Variants in PUM2 observed in about 807,000 individuals in gnomAD.
PUM2 encodes pumilio homolog 2.
A neutral mutation model predicts 124.5 loss-of-function variants in PUM2; 57 were observed. That is an observed-to-expected ratio of 0.46 (90% CI 0.37 to 0.57). The LOEUF is 0.57. Among genes scored for constraint, PUM2 ranks in the 20% least tolerant of loss-of-function variants. The probability of loss-of-function intolerance (pLI) is 0.00; values close to 1 mark genes in which losing one functional copy is unlikely to be tolerated. For synonymous variants in PUM2, 460 were observed against 446.1 expected (o/e 1.03, Z -0.39); for missense variants, 1,065 against 1,290.6 (o/e 0.83, Z 2.68).
chr2:20,281,182 G>C (rs1432402254), intron 12 of PUM2, among the ~76,000 whole-genome samples: 1 of 152,162 alleles, frequency 6.6e-6, no homozygotes, highest in Non-Finnish European at 1.5e-5. Flanking sequence ...GCATTCAGGG[G>C]TGGCAATCAC....
intron 13 of PUM2, among the ~76,000 whole-genome samples, chr2:20,267,081 G>A (rs1039749928): frequency 3.3e-5 from 5 of 151,042 alleles, no homozygotes; most frequent in African/African-American, 9.8e-5. Flanking sequence ...GGAGTGCAGT[G>A]ATGCAATCTT....
rs193268153 is a variant in PUM2 at position 20,296,322 on chromosome 2, C to T, written c.1009+1231G>A. On this transcript the variant is annotated intron_variant, in intron 8 of 20. Coordinates refer to ENST00000361078, the MANE Select transcript of PUM2 (RefSeq NM_015317.5). The stretch of plus-strand genomic sequence containing the variant: ...CATCCTGGCTAACACAGTGAAACCC[C>T]GTCTCTACGAAAAATACAAAAAATT... 5.9e-3 allele frequency among the ~76,000 whole-genome samples: 901 copies of T among 152,138 alleles called. 8 individuals are homozygous for T. Among genetic ancestry groups the T allele is most frequent in the African/African-American group, 0.021 (868 of 41,516 alleles).
chr2:20,319,961 G>A (rs180886996), intron 2 of PUM2, among the ~76,000 whole-genome samples: 1 of 152,166 alleles, frequency 6.6e-6, no homozygotes, highest in Non-Finnish European at 1.5e-5. Context: ...AGGGCCAAGA[G>A]AGCAAGAACT....
At chr2:20,268,714 A>C (rs917864874) in intron 13 of PUM2, among the ~76,000 whole-genome samples, 1 of 152,232 alleles carries the variant, frequency 6.6e-6, no homozygotes, top group Admixed American at 6.5e-5. Flanking sequence ...TGAAATAAAA[A>C]TATAAAACAG....
chr2:20,345,828 C>T (rs1378163763), intron 1 of PUM2, among the ~76,000 whole-genome samples: 2 of 152,162 alleles, frequency 1.3e-5, no homozygotes, highest in Admixed American at 6.5e-5. Context: ...GCCGAGATCA[C>T]GCCATTGTAC....
intron 1 of PUM2, among the ~76,000 whole-genome samples, chr2:20,334,647 T>C (rs1390096340): frequency 6.6e-6 from 1 of 152,206 alleles, no homozygotes; most frequent in Non-Finnish European, 1.5e-5. Flanking sequence ...ACTAAGTATT[T>C]ACATATCTTC....
intron 2 of PUM2, among the ~76,000 whole-genome samples, chr2:20,325,255 A>G (rs544229351): frequency 6.6e-6 from 1 of 152,338 alleles, no homozygotes; most frequent in Non-Finnish European, 1.5e-5. Flanking sequence ...AACTAATGAG[A>G]GCATCTTAAA....
intron 1 of PUM2, among the ~76,000 whole-genome samples, chr2:20,333,793 A>T (rs2148956792): frequency 6.6e-6 from 1 of 152,094 alleles, no homozygotes; most frequent in East Asian, 1.9e-4. Flanking sequence ...CAAAACGTAA[A>T]CCCCAGTGTT....
chr2:20,347,063 A>G (rs971117073), intron 1 of PUM2, among the ~76,000 whole-genome samples: 2 of 152,062 alleles, frequency 1.3e-5, no homozygotes, highest in Admixed American at 1.3e-4. Context: ...ATTTCCCAGT[A>G]CTCTATTCTA....
Position 20,278,832 on chromosome 2 carries a change from T to C in PUM2, c.1721-13A>G. On this transcript the variant is annotated splice_polypyrimidine_tract_variant and intron_variant, in intron 12 of 20. Coordinates refer to ENST00000361078, the MANE Select transcript of PUM2 (RefSeq NM_015317.5). ...GCAGAACTGCCAACTGAAGAAGAAA[T>C]AAAAAAAACCCTAATTACATACAGT... 6.3e-7 allele frequency: 1 copy of C among 1,591,322 alleles called. No homozygotes were observed.
Position 20,322,417 on chromosome 2 carries a change from T to C in PUM2, c.52-3772A>G, listed in dbSNP as rs140072619. On this transcript the variant is annotated intron_variant, in intron 2 of 20. Coordinates refer to ENST00000361078, the MANE Select transcript of PUM2 (RefSeq NM_015317.5). The stretch of plus-strand genomic sequence containing the variant: ...GGCCAACACTGTGAGACCCTGTCTC[T>C]TTTAAAAAATAAAATAATTATAAAT... 5.2e-3 allele frequency among the ~76,000 whole-genome samples: 787 copies of C among 152,118 alleles called. 5 individuals are homozygous for C. Among genetic ancestry groups the C allele is most frequent in the Middle Eastern group, 0.01 (3 of 294 alleles).
At chr2:20,340,366 T>C (rs925790193) in intron 1 of PUM2, among the ~76,000 whole-genome samples, 6 of 152,234 alleles carry the variant, frequency 3.9e-5, no homozygotes, top group African/African-American at 1.2e-4. Flanking sequence ...AACAGTAAGA[T>C]GTGGGATGGA....
chr2:20,267,314 C>T (rs897258687), intron 13 of PUM2, among the ~76,000 whole-genome samples: 1 of 152,138 alleles, frequency 6.6e-6, no homozygotes, highest in African/African-American at 2.4e-5. Flanking sequence ...AGGTGAGCCA[C>T]CACGCTGGCC....
At position 20,294,670 on chromosome 2, in the gene PUM2, C is replaced by T. The variant is rs541030227; in HGVS notation, c.1010-152G>A. On this transcript the variant is annotated intron_variant, in intron 8 of 20. Transcript: ENST00000361078. ...TAAAAGACAAAGTATTGATGGGTGA[C>T]AGCAATGGTCTTAAAGGGAAAAGAT... 3 of 915,298 alleles carry T rather than the reference C, an allele frequency of 3.3e-6. No homozygotes were observed. The South Asian group carries it at 6.5e-5, about 20-fold the overall frequency. 56.7% of individuals were successfully genotyped at this position (915,298 alleles called of 1,614,324 possible). A position where few individuals can be genotyped will look rare whatever the true frequency, so the allele number is the denominator to read the frequency against.
At chr2:20,319,136 A>G (rs958290575) in intron 2 of PUM2, among the ~76,000 whole-genome samples, 1 of 152,220 alleles carries the variant, frequency 6.6e-6, no homozygotes, top group African/African-American at 2.4e-5. Context: ...TGTCAAACCC[A>G]TAACAAAAAG....
intron 13 of PUM2, among the ~76,000 whole-genome samples, chr2:20,274,526 G>C (rs1669739144): frequency 6.6e-6 from 1 of 152,036 alleles, no homozygotes; most frequent in African/African-American, 2.4e-5. Flanking sequence ...AGACAGGTTA[G>C]GAAATTTTAT....
At chr2:20,286,861 A>G (rs570655742) in intron 10 of PUM2, among the ~76,000 whole-genome samples, 2 of 152,294 alleles carry the variant, frequency 1.3e-5, no homozygotes, top group South Asian at 2.1e-4. Flanking sequence ...ATTCTGTTCA[A>G]AAGTTGCTAA....
At chr2:20,315,060 CTTTT>C (rs11327686) in intron 3 of PUM2, among the ~76,000 whole-genome samples, 6 of 124,872 alleles carry the variant, frequency 4.8e-5, no homozygotes, top group Non-Finnish European at 8.5e-5. Context: ...AAGTGTGCTT[CTTTT>C]TTTTTTTTTT....
chr2:20,314,715 T>C (rs1366665619), intron 3 of PUM2, among the ~76,000 whole-genome samples: 1 of 152,188 alleles, frequency 6.6e-6, no homozygotes, highest in Non-Finnish European at 1.5e-5. Context: ...ATCCAGGAGA[T>C]TAGTCATTAT....
Sources: allele counts gnomAD v4.1 joint callset (sites outside exome capture counted in the v4.1 genomes callset), GRCh38; gene constraint gnomAD v4.1.1; transcripts MANE v1.5; gene names NCBI Gene and HGNC (gene_info 2026-07-23, HGNC 2026-07-21).